The following FYCO1 variants were observed in gnomAD, a reference collection of about 807,000 sequenced individuals.
The protein encoded by FYCO1 is FYVE and coiled-coil domain autophagy adaptor 1, also known as FYVE and coiled-coil domain-containing protein 1.
Under a neutral mutation model 165.1 loss-of-function variants are expected in FYCO1, and 122 were observed. The ratio of observed to expected loss-of-function variants is 0.74; its 90% CI spans 0.64 to 0.86. The LOEUF (loss-of-function observed/expected upper bound fraction) is 0.86. FYCO1 is among the 40% of genes least tolerant of loss of function. The pLI, the probability that FYCO1 is intolerant of heterozygous loss-of-function variation, is 0.00. For synonymous variants in FYCO1, 648 were observed against 742.5 expected (o/e 0.87, Z 2.07); for missense variants, 1,702 against 1,810.3 (o/e 0.94, Z 1.09).
intron 11 of FYCO1, among the ~76,000 whole-genome samples, chr3:45,961,052 C>A (rs1705671299): frequency 6.6e-6 from 1 of 152,068 alleles, no homozygotes; most frequent in Admixed American, 6.5e-5. Context: ...TTAAATGACA[C>A]CATGGGGATG....
At chr3:45,937,788 T>A (rs4683154) in intron 14 of FYCO1, among the ~76,000 whole-genome samples, 52,426 of 152,070 alleles carry the variant, frequency 0.34, 10,678 homozygotes, top group East Asian at 0.66. Context: ...CCCAACCCCC[T>A]CTCTGTCTTC....
At chr3:45,953,683 G>A (rs1461499835) in intron 14 of FYCO1, among the ~76,000 whole-genome samples, 3 of 152,122 alleles carry the variant, frequency 2.0e-5, no homozygotes, top group Non-Finnish European at 4.4e-5. Flanking sequence ...GCATTCTTGC[G>A]GCAGTCAGGA....
intron 4 of FYCO1, among the ~76,000 whole-genome samples, chr3:45,978,240 A>C (rs1456372186): frequency 2.6e-5 from 4 of 152,262 alleles, no homozygotes. Context: ...TAAAGGCTTT[A>C]GTTGCTCTGA....
intron 14 of FYCO1, among the ~76,000 whole-genome samples, chr3:45,952,953 A>G (rs1351847463): frequency 6.6e-6 from 1 of 152,156 alleles, no homozygotes; most frequent in African/African-American, 2.4e-5. Context: ...GCAGGCTTAC[A>G]TGGTCAGGGG....
rs55801197 is a variant in FYCO1 at position 45,944,631 on chromosome 3, A to G, written c.3945-8088T>C. ...AAGGGAAAGTAATTTTTCATACTCTATTTGCACAGCACTGTCCAGGCCCAA... is the reference window on the plus strand; with the variant it reads ...AAGGGAAAGTAATTTTTCATACTCTGTTTGCACAGCACTGTCCAGGCCCAA... On this transcript the variant is annotated intron_variant, in intron 14 of 17. Transcript: ENST00000296137. Among the ~76,000 whole-genome samples, 326 of 152,272 alleles carry G rather than the reference A, an allele frequency of 2.1e-3. 4 individuals carry two copies. Among genetic ancestry groups the G allele is most frequent in the Admixed American group, 0.017 (266 of 15,302 alleles).
At position 45,967,286 on chromosome 3, in the gene FYCO1, GC is replaced by G. The variant is rs1706109604; in HGVS notation, c.2047del (p.Ala683LeufsTer2). 1.2e-6 allele frequency: 2 copies of G among 1,613,802 alleles called. No homozygotes were observed. The highest frequency in any genetic ancestry group is 2.2e-5 in the South Asian group (2 of 91,094). On this transcript the variant is annotated frameshift_variant, in exon 8 of 18. Transcript: ENST00000296137. LOFTEE classifies it high-confidence loss of function. ...LGDQMEASLL[A>X]VRKAKEAMKA... is the part of the protein sequence containing the mutation. The stretch of plus-strand genomic sequence containing the variant: ...CATGGCCTCCTTGGCCTTCCTTACA[GC>G]CAGCAAGCTCGCCTCCATCTGGTCA...
chr3:45,967,216 C>T lies in FYCO1; in HGVS notation c.2118G>A (p.Glu706=). 1.2e-6 allele frequency: 2 copies of T among 1,614,054 alleles called. No homozygotes were observed. Among genetic ancestry groups the T allele is most frequent in the South Asian group, 2.2e-5 (2 of 91,082 alleles). ...CCTCCCGCAGCTGCTGACACTCGCC[C>T]TCCTTGCTCTGTAGAATGGCCTCCT... The part of the protein sequence containing the change: ...AEKEAILQSK[E]GECQQLREEV... The change falls in exon 8 of 18, where the codon GAG becomes GAA. Residue 706 remains glutamate (E), a synonymous_variant. Coordinates refer to ENST00000296137, the MANE Select transcript of FYCO1 (RefSeq NM_024513.4).
At chr3:45,975,511 C>T (rs1373615100) in intron 4 of FYCO1, among the ~76,000 whole-genome samples, 166 bp from the exon 5 acceptor site, 1 of 152,216 alleles carries the variant, frequency 6.6e-6, no homozygotes, top group Non-Finnish European at 1.5e-5. Context: ...ATACTCTTAC[C>T]GCAGAGAGTA....
intron 5 of FYCO1, among the ~76,000 whole-genome samples, chr3:45,974,801 G>C (rs1706646551): frequency 1.0e-5 from 1 of 95,390 alleles, no homozygotes; most frequent in African/African-American, 4.7e-5. Flanking sequence ...TCCCAGTCCT[G>C]GCTACCCACC....
chr3:45,937,625 G>T (rs1703974258), intron 14 of FYCO1, among the ~76,000 whole-genome samples: 1 of 152,250 alleles, frequency 6.6e-6, no homozygotes, highest in Admixed American at 6.5e-5. Context: ...GAGCCCACTG[G>T]CTCAGAAAGA....
chr3:45,937,752 C>G (rs1225513479), intron 14 of FYCO1, among the ~76,000 whole-genome samples: 3 of 152,240 alleles, frequency 2.0e-5, no homozygotes, highest in Non-Finnish European at 4.4e-5. Context: ...TGTCTTGTCA[C>G]TCTGGCATTT....
chr3:45,983,985 A>G (rs1039603765), intron 2 of FYCO1, among the ~76,000 whole-genome samples: 1 of 152,304 alleles, frequency 6.6e-6, no homozygotes, highest in East Asian at 1.9e-4. Context: ...GGCTCCTGGT[A>G]TGGGAGATAA....
intron 14 of FYCO1, among the ~76,000 whole-genome samples, chr3:45,950,453 TGAG>T (rs1704940083): frequency 6.6e-6 from 1 of 152,060 alleles, no homozygotes; most frequent in Non-Finnish European, 1.5e-5. Flanking sequence ...TGTTCTGGAC[TGAG>T]GAGATGGTGC....
Position 45,959,378 on chromosome 3 carries a change from G to T in FYCO1, c.3587+15C>A. The T allele has an allele frequency of 6.2e-7, 1 of 1,613,574 alleles. No individual in the cohort carries two copies. The highest frequency in any genetic ancestry group is 1.7e-4 in the Middle Eastern group (1 of 6,060). On this transcript the variant is annotated intron_variant, in intron 12 of 17. Transcript: ENST00000296137. The stretch of plus-strand genomic sequence containing the variant: ...CACCAGGGTGTTGGTGCCAACCCAC[G>T]AGCTCCCTGCTGACCTGCAGTGGTG...
At chr3:45,944,831 T>C (rs983332389) in intron 14 of FYCO1, among the ~76,000 whole-genome samples, 6 of 152,212 alleles carry the variant, frequency 3.9e-5, no homozygotes, top group African/African-American at 1.4e-4. Flanking sequence ...ACATTATTCT[T>C]AAGAGCAAAG....
rs746641696 is a variant in FYCO1 at position 45,975,354 on chromosome 3, A to G, written c.289-9T>C. The G allele has an allele frequency of 6.2e-7, 1 of 1,605,000 alleles. No individual in the cohort carries two copies. Among genetic ancestry groups the G allele is most frequent in the African/African-American group, 1.3e-5 (1 of 74,734 alleles). On this transcript the variant is annotated splice_polypyrimidine_tract_variant and intron_variant, in intron 4 of 17. Transcript: ENST00000296137. ...CCCAAGGATGTTCGGAGCTGGAAAA[A>G]GCAGATTACATAGAGCCAAAGAGCT...
chr3:45,975,269 TG>T lies in FYCO1; in HGVS notation c.364del (p.Gln122SerfsTer5). 3.7e-6 allele frequency: 6 copies of T among 1,613,890 alleles called. No homozygotes were observed. The highest frequency in any genetic ancestry group is 5.1e-6 in the Non-Finnish European group (6 of 1,179,752). ...LVHQRLADTL[Q>X]QCFMNTKVTS... ...CACTTTGGTGTTCATGAAGCACTGCTGTAAGGTGTCTGCCAACCTCTGGTGC... is the reference window on the plus strand; with the variant it reads ...CACTTTGGTGTTCATGAAGCACTGCTTAAGGTGTCTGCCAACCTCTGGTGC... On this transcript the variant is annotated frameshift_variant, in exon 5 of 18. Transcript: ENST00000296137. LOFTEE classifies it high-confidence loss of function.
chr3:45,973,443 C>T (rs1706559018), intron 5 of FYCO1, among the ~76,000 whole-genome samples: 1 of 152,138 alleles, frequency 6.6e-6, no homozygotes, highest in African/African-American at 2.4e-5. Flanking sequence ...GATCTGGATG[C>T]TTATTCATTT....
chr3:45,975,178 A>G, intron 5 of FYCO1, 61 bp downstream of exon 5: 1 of 1,100,506 alleles, frequency 9.1e-7, no homozygotes. Flanking sequence ...ATTATTATTA[A>G]TGAACTTTAG....
Sources: gnomAD v4.1 joint callset for allele counts (sites outside exome capture counted in the v4.1 genomes callset) on GRCh38, gnomAD v4.1.1 for gene constraint, MANE v1.5 for transcripts, NCBI Gene and HGNC (gene_info 2026-07-23, HGNC 2026-07-21) for gene names.